Variants in ATP13A4 observed in about 807,000 individuals in gnomAD.
The protein encoded by ATP13A4 is ATPase 13A4.
A neutral mutation model predicts 142.5 loss-of-function variants in ATP13A4; 114 were observed. The ratio of observed to expected loss-of-function variants is 0.80; its 90% CI spans 0.69 to 0.93. The LOEUF is 0.93. ATP13A4 is among the 40% of genes least tolerant of loss of function. The pLI is 0.00. For synonymous variants in ATP13A4, 488 were observed against 514.8 expected (o/e 0.95, Z 0.70); for missense variants, 1,392 against 1,454.0 (o/e 0.96, Z 0.69).
At chr3:193,505,693 T>C (rs905425125) in intron 2 of ATP13A4, among the ~76,000 whole-genome samples, 1 of 152,146 alleles carries the variant, frequency 6.6e-6, no homozygotes, top group Non-Finnish European at 1.5e-5. Context: ...CTGACTTCTC[T>C]CTTGTATACT....
Position 193,467,449 on chromosome 3 carries a change from C to T in ATP13A4, c.981G>A (p.Lys327=), listed in dbSNP as rs1437929967. The T allele has an allele frequency of 6.2e-7, 1 of 1,613,938 alleles. No homozygotes were observed. Among genetic ancestry groups the T allele is most frequent in the South Asian group, 1.1e-5 (1 of 91,068 alleles). ...SIPVTKTPLP[K]MDSSVPWKTQ... ...TTTTCCAGGGCACAGAGCTATCCAT[C>T]TTGGGTAACGGAGTTTTGGTGACTG... Residue 327 remains lysine (K), a synonymous_variant, in exon 10 of 30, where the codon AAG becomes AAA. Coordinates refer to ENST00000342695, the MANE Select transcript of ATP13A4 (RefSeq NM_032279.4).
At chr3:193,584,056 C>T (rs1230913750) in intron 1 of ATP13A4, among the ~76,000 whole-genome samples, 1 of 152,158 alleles carries the variant, frequency 6.6e-6, no homozygotes, top group Non-Finnish European at 1.5e-5. Context: ...AAAATAATTT[C>T]ACTGGAGCTG....
chr3:193,447,824 T>C (rs1717042156), intron 18 of ATP13A4, among the ~76,000 whole-genome samples: 1 of 152,180 alleles, frequency 6.6e-6, no homozygotes, highest in African/African-American at 2.4e-5. Context: ...TGAGGATGCT[T>C]CTTCTTCTAG....
At chr3:193,421,872 AAGAC>A (rs1480608267) in intron 25 of ATP13A4, among the ~76,000 whole-genome samples, 1 of 149,920 alleles carries the variant, frequency 6.7e-6, no homozygotes, top group African/African-American at 2.4e-5. Context: ...AAAAGAAAAA[AAGAC>A]AGGAACAAAA....
At chr3:193,553,979 A>G (rs190185838) in intron 1 of ATP13A4, among the ~76,000 whole-genome samples, 4 of 152,356 alleles carry the variant, frequency 2.6e-5, no homozygotes, top group Admixed American at 6.5e-5. Context: ...CTATGCTTAC[A>G]CAATTAGCAG....
At chr3:193,484,090 T>C (rs1719464662) in intron 7 of ATP13A4, 85 bp from the exon 8 acceptor site, 6 of 1,140,062 alleles carry the variant, frequency 5.3e-6, no homozygotes, top group Non-Finnish European at 8.0e-6. Flanking sequence ...TCTTTAAAGA[T>C]AGAGCACTGT....
At chr3:193,528,536 T>C (rs903029816) in intron 1 of ATP13A4, among the ~76,000 whole-genome samples, 1 of 152,012 alleles carries the variant, frequency 6.6e-6, no homozygotes, top group African/African-American at 2.4e-5. Context: ...GAATGGAAAA[T>C]TGTTTGGGAG....
intron 1 of ATP13A4, among the ~76,000 whole-genome samples, chr3:193,518,258 A>C (rs754377281): frequency 1.3e-5 from 2 of 152,226 alleles, no homozygotes; most frequent in Non-Finnish European, 2.9e-5. Flanking sequence ...CCACACAATG[A>C]GATTTAATAC....
intron 7 of ATP13A4, among the ~76,000 whole-genome samples, chr3:193,487,148 C>G (rs1037915825): frequency 6.6e-6 from 1 of 152,010 alleles, no homozygotes; most frequent in African/African-American, 2.4e-5. Flanking sequence ...AGTGTGTTGT[C>G]CCTGAAGCCA....
In ATP13A4 at chr3:193,437,165, C is replaced by T. The variant is rs181777019; in HGVS notation, c.2672+1310G>A. Among the ~76,000 whole-genome samples, 35 of 150,376 alleles carry T rather than the reference C, an allele frequency of 2.3e-4. No homozygotes were observed. In the East Asian group the frequency reaches 6.5e-3, roughly 28 times the overall value. On this transcript the variant is annotated intron_variant, in intron 23 of 29. Coordinates refer to ENST00000342695, the MANE Select transcript of ATP13A4 (RefSeq NM_032279.4). ...GTTTTTTTCTGTATCAGAGTTTTGC[C>T]GTGACATTTCCTCTGCCCAGAGGTA...
intron 25 of ATP13A4, among the ~76,000 whole-genome samples, chr3:193,428,921 C>G (rs1328774257): frequency 6.6e-6 from 1 of 151,570 alleles, no homozygotes; most frequent in Non-Finnish European, 1.5e-5. Context: ...GCACATGTAC[C>G]CTAGAACTTA....
chr3:193,503,506 A>T (rs1720675732), intron 2 of ATP13A4, among the ~76,000 whole-genome samples: 1 of 152,214 alleles, frequency 6.6e-6, no homozygotes, highest in Non-Finnish European at 1.5e-5. Flanking sequence ...GGATTCAAGA[A>T]GTATAACAGA....
At position 193,554,878 on chromosome 3, in the gene ATP13A4, G is replaced by A. The variant is rs929663185; in HGVS notation, c.-79C>T. 32 of 1,612,504 alleles carry A rather than the reference G, an allele frequency of 2.0e-5. No individual in the cohort carries two copies. Among genetic ancestry groups the A allele is most frequent in the Middle Eastern group, 3.8e-4 (2 of 5,270 alleles). On this transcript the variant is annotated 5_prime_UTR_variant, in exon 1 of 30. Transcript: ENST00000342695. ...ATGAACTCCAACTCGCCGAGCCACCGCAGCTCCTCAGCTGACTAAAAGAGT... is the reference window on the plus strand; with the variant it reads ...ATGAACTCCAACTCGCCGAGCCACCACAGCTCCTCAGCTGACTAAAAGAGT...
At chr3:193,465,443 C>T (rs979638887) in intron 11 of ATP13A4, among the ~76,000 whole-genome samples, 1 of 152,200 alleles carries the variant, frequency 6.6e-6, no homozygotes, top group African/African-American at 2.4e-5. Flanking sequence ...CTGCCTTGGC[C>T]TCCCAAAGTG....
chr3:193,566,692 C>T (rs1724142398), intron 2 of ATP13A4, among the ~76,000 whole-genome samples: 1 of 152,202 alleles, frequency 6.6e-6, no homozygotes, highest in Non-Finnish European at 1.5e-5. Context: ...ACCCCTTTCA[C>T]TTACTTTTTG....
At chr3:193,483,463 T>G (rs1326576861) in intron 8 of ATP13A4, among the ~76,000 whole-genome samples, 1 of 152,068 alleles carries the variant, frequency 6.6e-6, no homozygotes, top group Non-Finnish European at 1.5e-5. Flanking sequence ...TGTTTGTTTG[T>G]TTTGTTTTGT....
chr3:193,432,745 A>C (rs551593206), intron 25 of ATP13A4, among the ~76,000 whole-genome samples: 39 of 152,188 alleles, frequency 2.6e-4, no homozygotes, highest in African/African-American at 9.1e-4. Context: ...TAATAAAAGA[A>C]AAGAAAAGAA....
At chr3:193,586,011 C>CTAA (rs1228736610) in intron 1 of ATP13A4, among the ~76,000 whole-genome samples, 1 of 151,982 alleles carries the variant, frequency 6.6e-6, no homozygotes, top group Non-Finnish European at 1.5e-5. Flanking sequence ...TCTCCGATGA[C>CTAA]TAATAACATT....
At chr3:193,457,915 T>C (rs1468066526) in intron 14 of ATP13A4, among the ~76,000 whole-genome samples, 1 of 152,208 alleles carries the variant, frequency 6.6e-6, no homozygotes, top group Non-Finnish European at 1.5e-5. Context: ...GAGACTGTGA[T>C]ATACATGGTT....
Sources: allele counts gnomAD v4.1 joint callset (sites outside exome capture counted in the v4.1 genomes callset), GRCh38; gene constraint gnomAD v4.1.1; transcripts MANE v1.5; gene names NCBI Gene and HGNC (gene_info 2026-07-23, HGNC 2026-07-21).